The following KREMEN1 variants were observed in gnomAD, a reference collection of about 807,000 sequenced individuals.
KREMEN1 encodes kringle containing transmembrane protein 1.
Under a neutral mutation model 46.5 loss-of-function variants are expected in KREMEN1, and 30 were observed. That is an observed-to-expected ratio of 0.65 (90% CI 0.48 to 0.88). KREMEN1 has a LOEUF of 0.88. KREMEN1 is among the 40% of genes least tolerant of loss of function. The pLI, the probability that KREMEN1 is intolerant of heterozygous loss-of-function variation, is 0.00. For missense variants in KREMEN1, 533 were observed against 596.9 expected, an observed-to-expected ratio of 0.89 and a Z score of 1.11; for synonymous variants, 214 against 230.6, an observed-to-expected ratio of 0.93 and a Z score of 0.65.
chr22:29,164,075 G>C (rs925936165), intron 9 of KREMEN1, among the ~76,000 whole-genome samples: 1 of 152,228 alleles, frequency 6.6e-6, no homozygotes, highest in South Asian at 2.1e-4. Flanking sequence ...TCAGCCTCCC[G>C]AGTAGCTGGG....
At chr22:29,156,367 AAG>A (rs1264231702) in intron 9 of KREMEN1, among the ~76,000 whole-genome samples, 2 of 152,248 alleles carry the variant, frequency 1.3e-5, no homozygotes, top group African/African-American at 4.8e-5. Context: ...TGCCTTTGGA[AAG>A]AGACAAAAAG....
In KREMEN1 at chr22:29,143,169, T is replaced by C. The variant is rs2038796753; in HGVS notation, c.*1057T>C. On this transcript the variant is annotated 3_prime_UTR_variant, in exon 9 of 9. Coordinates refer to ENST00000400335, the MANE Select transcript of KREMEN1 (RefSeq NM_001039570.3). ...CTGTCTCAAAAAAACAAAACACAAA[T>C]AAACAAAAAAAATCCATTCATTTAC... is the stretch of plus-strand genomic sequence containing the variant. 1 of 984,002 alleles carries C rather than the reference T, an allele frequency of 1.0e-6. No individual in the cohort carries two copies. The highest frequency in any genetic ancestry group is 1.8e-5 in the African/African-American group (1 of 56,814). 61.0% of individuals were successfully genotyped at this position (984,002 alleles called of 1,614,324 possible). A position where few individuals can be genotyped will look rare whatever the true frequency, so the allele number is the denominator to read the frequency against.
intron 3 of KREMEN1, among the ~76,000 whole-genome samples, chr22:29,107,099 C>G (rs1424274026): frequency 2.0e-5 from 3 of 152,044 alleles, no homozygotes; most frequent in Non-Finnish European, 2.9e-5. Context: ...ACCCACTGCA[C>G]AAAACAGTTC....
At position 29,146,144 on chromosome 22, in the gene KREMEN1, C is replaced by T. The variant is rs1225501093; in HGVS notation, c.*4032C>T. The T allele has an allele frequency of 2.0e-6, 2 of 985,834 alleles. No homozygotes were observed. The highest frequency in any genetic ancestry group is 2.3e-4 in the East Asian group (2 of 8,834). 61.1% of individuals were successfully genotyped at this position (985,834 alleles called of 1,614,324 possible). On this transcript the variant is annotated 3_prime_UTR_variant, in exon 9 of 9. Transcript: ENST00000400335. ...CACCTGGCACCGTTAGGTTTCAGAT[C>T]TCCCGTGTGGTGTTTGATGTCGGCT...
chr22:29,086,951 G>T (rs1038024024), intron 1 of KREMEN1, among the ~76,000 whole-genome samples: 11 of 151,978 alleles, frequency 7.2e-5, no homozygotes, highest in Non-Finnish European at 7.4e-5. Context: ...TTGTAGAGAT[G>T]GAGGTCTCCC....
At chr22:29,157,967 A>T (rs132294) in intron 9 of KREMEN1, among the ~76,000 whole-genome samples, 1 of 152,308 alleles carries the variant, frequency 6.6e-6, no homozygotes, top group South Asian at 2.1e-4. Flanking sequence ...TACAGGTCAC[A>T]TGGTCTCACC....
intron 3 of KREMEN1, chr22:29,111,445 T>A (rs2038147391): frequency 6.6e-6 from 1 of 151,642 alleles, no homozygotes; most frequent in Non-Finnish European, 1.5e-5. Flanking sequence ...ACCCCGTCTC[T>A]ACTAAAAAAA....
At chr22:29,134,709 T>C (rs940225470) in intron 5 of KREMEN1, among the ~76,000 whole-genome samples, 1 of 151,992 alleles carries the variant, frequency 6.6e-6, no homozygotes, top group African/African-American at 2.4e-5. Flanking sequence ...TATCAGAAGT[T>C]GAGCTAGGTT....
At chr22:29,138,841 T>A (rs753236856) in intron 7 of KREMEN1, 59 bp downstream of exon 7, 1 of 1,613,392 alleles carries the variant, frequency 6.2e-7, no homozygotes, top group Non-Finnish European at 8.5e-7. Context: ...AAGGTAGCGC[T>A]CTTGACAGTT....
intron 5 of KREMEN1, among the ~76,000 whole-genome samples, chr22:29,131,572 G>GTA (rs2038542379): frequency 7.7e-6 from 1 of 129,246 alleles, no homozygotes; most frequent in Non-Finnish European, 1.5e-5. Flanking sequence ...GTGTGTGTGT[G>GTA]TGTGTGTGTG....
At chr22:29,166,075 GCA>G (rs2039050529) in intron 9 of KREMEN1, among the ~76,000 whole-genome samples, 1 of 152,152 alleles carries the variant, frequency 6.6e-6, no homozygotes, top group African/African-American at 2.4e-5. Context: ...CCATATGTGT[GCA>G]CACATGCACA....
intron 1 of KREMEN1, among the ~76,000 whole-genome samples, chr22:29,078,194 G>C (rs1302026867): frequency 6.6e-6 from 1 of 152,154 alleles, no homozygotes; most frequent in Non-Finnish European, 1.5e-5. Flanking sequence ...GGAGGTCAGG[G>C]TTGCAGTGAG....
At position 29,145,005 on chromosome 22, in the gene KREMEN1, A is replaced by G. The variant is rs2038833334; in HGVS notation, c.*2893A>G. On this transcript the variant is annotated 3_prime_UTR_variant, in exon 9 of 9. Coordinates refer to ENST00000400335, the MANE Select transcript of KREMEN1 (RefSeq NM_001039570.3). The stretch of plus-strand genomic sequence containing the variant: ...GCCCCGGGAAACCCAAATCTGGCTC[A>G]GGACAGCGTACGGGCAGGAGGGCTG... 4 of 985,566 alleles carry G rather than the reference A, an allele frequency of 4.1e-6. No homozygotes were observed. Among genetic ancestry groups the G allele is most frequent in the Non-Finnish European group, 3.6e-6 (3 of 830,020 alleles). 61.1% of individuals were successfully genotyped at this position (985,566 alleles called of 1,614,324 possible). A position where few individuals can be genotyped will look rare whatever the true frequency, so the allele number is the denominator to read the frequency against.
At chr22:29,109,041 C>T (rs2038103037) in intron 3 of KREMEN1, among the ~76,000 whole-genome samples, 2 of 152,178 alleles carry the variant, frequency 1.3e-5, no homozygotes, top group South Asian at 2.1e-4. Flanking sequence ...CCTCCCACCT[C>T]GGCCTCCCAA....
At chr22:29,126,756 T>C (rs1262813764) in intron 5 of KREMEN1, among the ~76,000 whole-genome samples, 1 of 152,234 alleles carries the variant, frequency 6.6e-6, no homozygotes, top group Non-Finnish European at 1.5e-5. Flanking sequence ...AGTGTGTTTG[T>C]ATTTGGGGTG....
intron 4 of KREMEN1, among the ~76,000 whole-genome samples, chr22:29,124,374 A>C (rs1445192097): frequency 2.6e-5 from 4 of 152,198 alleles, no homozygotes; most frequent in African/African-American, 9.7e-5. Context: ...GTAAAGGAAA[A>C]TGCGTCAGTG....
chr22:29,142,270 C>T lies in KREMEN1; in HGVS notation c.*158C>T, dbSNP rs1405795597. 1 of 1,336,056 alleles carries T rather than the reference C, an allele frequency of 7.5e-7. No individual in the cohort carries two copies. Among genetic ancestry groups the T allele is most frequent in the Non-Finnish European group, 9.5e-7 (1 of 1,048,474 alleles). 82.8% of individuals were successfully genotyped at this position (1,336,056 alleles called of 1,614,324 possible). On this transcript the variant is annotated 3_prime_UTR_variant, in exon 9 of 9. Transcript: ENST00000400335. ...CCTCCTACAGACTAGGAAGAGGCACCCTGCTGCCAGGGCAGGCAGAGCCTG... is the reference window on the plus strand; with the variant it reads ...CCTCCTACAGACTAGGAAGAGGCACTCTGCTGCCAGGGCAGGCAGAGCCTG...
chr22:29,132,186 T>C (rs114573618), intron 5 of KREMEN1, among the ~76,000 whole-genome samples: 3,116 of 152,256 alleles, frequency 0.02, 91 homozygotes, highest in African/African-American at 0.069. Flanking sequence ...TAATGCTTTA[T>C]GATTCACCTA....
chr22:29,073,309 C>A lies in KREMEN1; in HGVS notation c.97+82C>A. The A allele has an allele frequency of 2.2e-6, 1 of 464,054 alleles. No individual in the cohort carries two copies. The highest frequency in any genetic ancestry group is 3.1e-6 in the Non-Finnish European group (1 of 324,906). 28.7% of individuals were successfully genotyped at this position (464,054 alleles called of 1,614,324 possible). A position where few individuals can be genotyped will look rare whatever the true frequency, so the allele number is the denominator to read the frequency against. ...CAAGGGCCGGCCGGCCTGAGAGCCC[C>A]CTCCCTCCCGCTTCAGGACCTTCCG... On this transcript the variant is annotated intron_variant, in intron 1 of 8. Coordinates refer to ENST00000400335, the MANE Select transcript of KREMEN1 (RefSeq NM_001039570.3). This position sits in a 1 kb window ranked among gnomAD's most constrained non-coding sequence, Gnocchi z 4.4.
Sources: allele counts gnomAD v4.1 joint callset (sites outside exome capture counted in the v4.1 genomes callset), GRCh38; gene constraint gnomAD v4.1.1; non-coding constraint Gnocchi (gnomAD v3.1); transcripts MANE v1.5; gene names NCBI Gene and HGNC (gene_info 2026-07-23, HGNC 2026-07-21).